The following PARD3B variants were observed in gnomAD, a reference collection of about 807,000 sequenced individuals.
PARD3B encodes par-3 family cell polarity regulator beta.
In PARD3B, 103 loss-of-function variants were observed where a neutral mutation model predicts 130.2. The ratio of observed to expected loss-of-function variants is 0.79; its 90% CI spans 0.67 to 0.93. PARD3B has a LOEUF of 0.93. PARD3B is among the 40% of genes least tolerant of loss of function. The pLI is 0.00. For synonymous variants in PARD3B, 583 were observed against 553.2 expected (o/e 1.05, Z -0.76); for missense variants, 1,609 against 1,499.2 (o/e 1.07, Z -1.21).
At chr2:204,609,752 T>C (rs1196291410) in intron 1 of PARD3B, among the ~76,000 whole-genome samples, 1 of 152,110 alleles carries the variant, frequency 6.6e-6, no homozygotes, top group Non-Finnish European at 1.5e-5. Context: ...TGTCTCTTTT[T>C]GAACCTTAAA....
At position 205,292,324 on chromosome 2, in the gene PARD3B, G is replaced by T. The variant is rs2041638510; in HGVS notation, c.2186-8206G>T. Among the ~76,000 whole-genome samples, 1 of 152,068 alleles carries T rather than the reference G, an allele frequency of 6.6e-6. No homozygotes were observed. The highest frequency in any genetic ancestry group is 1.5e-5 in the Non-Finnish European group (1 of 68,016). ...ATGTGAGGACACAATGAGAACACAG[G>T]CATCCATGGACCAGGAAGCAGGCCC... is the stretch of plus-strand genomic sequence containing the variant. On this transcript the variant is annotated intron_variant, in intron 16 of 22. Transcript: ENST00000406610. This position sits in a 1 kb window ranked among gnomAD's most constrained non-coding sequence, Gnocchi z 5.3.
intron 2 of PARD3B, among the ~76,000 whole-genome samples, chr2:204,740,042 A>G (rs1237384556): frequency 1.3e-5 from 2 of 150,114 alleles, no homozygotes; most frequent in Non-Finnish European, 3.0e-5. Context: ...AGTCTCAGTC[A>G]CTCTCTCATC....
chr2:205,115,816 G>A (rs1703982542), intron 6 of PARD3B, among the ~76,000 whole-genome samples: 1 of 152,064 alleles, frequency 6.6e-6, no homozygotes, highest in Non-Finnish European at 1.5e-5. Flanking sequence ...GGTCATAGTG[G>A]TATACTTTGC....
Position 205,041,084 on chromosome 2 carries a change from C to T in PARD3B, c.395-6497C>T, listed in dbSNP as rs551449014. ...AGAGAGTATGAAATCCTGGCTTTTGCGTTATTTTGCATGCGATGCCATTAA... is the reference window on the plus strand; with the variant it reads ...AGAGAGTATGAAATCCTGGCTTTTGTGTTATTTTGCATGCGATGCCATTAA... On this transcript the variant is annotated intron_variant, in intron 3 of 22. Coordinates refer to ENST00000406610, the MANE Select transcript of PARD3B (RefSeq NM_001302769.2). 2.2e-3 allele frequency among the ~76,000 whole-genome samples: 328 copies of T among 152,206 alleles called. 1 individual carries two copies. Among genetic ancestry groups the T allele is most frequent in the African/African-American group, 7.2e-3 (299 of 41,534 alleles).
At chr2:205,126,927 G>C (rs2031494247) in intron 10 of PARD3B, among the ~76,000 whole-genome samples, 1 of 151,978 alleles carries the variant, frequency 6.6e-6, no homozygotes, top group Non-Finnish European at 1.5e-5. Context: ...TTGGTTATGA[G>C]AGGTTTTCAT....
chr2:204,679,628 T>A (rs1356337086), intron 1 of PARD3B, among the ~76,000 whole-genome samples: 2 of 152,110 alleles, frequency 1.3e-5, no homozygotes, highest in African/African-American at 4.8e-5. Context: ...GACTCATTCA[T>A]AAGTATTTGA....
chr2:204,951,333 G>A (rs114203907), intron 2 of PARD3B, among the ~76,000 whole-genome samples: 1,601 of 152,236 alleles, frequency 0.011, 10 homozygotes, highest in Non-Finnish European at 0.015. Flanking sequence ...CTATTTCATA[G>A]TATGTAGATC....
intron 18 of PARD3B, among the ~76,000 whole-genome samples, chr2:205,307,019 A>T: frequency 6.6e-6 from 1 of 152,194 alleles, no homozygotes; most frequent in South Asian, 2.1e-4. Flanking sequence ...GGGTATTGGG[A>T]TGGGTCATGC....
intron 21 of PARD3B, among the ~76,000 whole-genome samples, chr2:205,505,423 A>C (rs1275265373): frequency 1.3e-5 from 2 of 150,078 alleles, no homozygotes; most frequent in African/African-American, 2.4e-5. Flanking sequence ...ATGAATACAC[A>C]CACACTGTAA....
At chr2:204,801,445 T>C (rs1041174186) in intron 2 of PARD3B, among the ~76,000 whole-genome samples, 19 of 152,174 alleles carry the variant, frequency 1.2e-4, no homozygotes, top group African/African-American at 4.6e-4. Context: ...TTGTAAGTTG[T>C]ATACCTAGGT....
chr2:205,012,921 A>G (rs139026268), intron 3 of PARD3B, among the ~76,000 whole-genome samples: 2 of 152,382 alleles, frequency 1.3e-5, no homozygotes, highest in Non-Finnish European at 2.9e-5. Flanking sequence ...AAATGAAAGC[A>G]CTTCCAAAAT....
intron 2 of PARD3B, among the ~76,000 whole-genome samples, chr2:204,903,911 C>A (rs561940605): frequency 2.0e-5 from 3 of 152,110 alleles, no homozygotes; most frequent in Non-Finnish European, 4.4e-5. Context: ...ATTCATTATG[C>A]TGTCAATGTA....
intron 18 of PARD3B, 91 bp from the exon 19 acceptor site, chr2:205,400,921 AT>A (rs2046229556): frequency 3.6e-6 from 3 of 830,684 alleles, no homozygotes; most frequent in Admixed American, 2.4e-5. Context: ...ATAAAGAAGT[AT>A]GACTTAATGA....
intron 1 of PARD3B, among the ~76,000 whole-genome samples, chr2:204,676,666 GTTT>G (rs59424538): frequency 0.015 from 1,393 of 92,348 alleles, 12 homozygotes; most frequent in African/African-American, 0.046. Flanking sequence ...CTCTATGATT[GTTT>G]TTTTTTTTTT....
chr2:205,270,893 C>G (rs2040699701), intron 16 of PARD3B, among the ~76,000 whole-genome samples: 1 of 152,086 alleles, frequency 6.6e-6, no homozygotes, highest in South Asian at 2.1e-4. Flanking sequence ...AGCTCATTGT[C>G]CAGAATTGGC....
chr2:205,560,671 C>T (rs562634608), intron 22 of PARD3B, among the ~76,000 whole-genome samples: 1 of 152,122 alleles, frequency 6.6e-6, no homozygotes, highest in South Asian at 2.1e-4. Context: ...CTGCTTGGGC[C>T]ACGTTCGCCT....
intron 2 of PARD3B, among the ~76,000 whole-genome samples, chr2:204,845,255 G>A (rs556614358): frequency 1.1e-4 from 17 of 152,180 alleles, no homozygotes; most frequent in African/African-American, 4.1e-4. Context: ...ACTTGAAGTA[G>A]GAAGATGAAA....
intron 18 of PARD3B, among the ~76,000 whole-genome samples, chr2:205,316,213 G>A (rs1489226714): frequency 6.6e-6 from 1 of 152,104 alleles, no homozygotes; most frequent in African/African-American, 2.4e-5. Context: ...TGCATTGGGA[G>A]TTAATTATTT....
intron 20 of PARD3B, among the ~76,000 whole-genome samples, chr2:205,459,197 C>T (rs1481536772): frequency 1.3e-5 from 2 of 152,172 alleles, no homozygotes; most frequent in African/African-American, 4.8e-5. Flanking sequence ...GAATATTGGG[C>T]TCAGTTCAGT....
Sources: gnomAD v4.1 joint callset for allele counts (sites outside exome capture counted in the v4.1 genomes callset) on GRCh38, gnomAD v4.1.1 for gene constraint, Gnocchi (gnomAD v3.1) non-coding constraint, MANE v1.5 for transcripts, NCBI Gene and HGNC (gene_info 2026-07-23, HGNC 2026-07-21) for gene names.